Variants in EZH1 observed in about 807,000 individuals in gnomAD.
The protein encoded by EZH1 is histone-lysine N-methyltransferase EZH1.
In EZH1, 33 loss-of-function variants were observed where a neutral mutation model predicts 100.5. The observed-to-expected ratio is 0.33, with a 90% CI of 0.25 to 0.44. The LOEUF (loss-of-function observed/expected upper bound fraction) is 0.44, where lower values mean the gene tolerates loss of function less well. EZH1 is among the 20% of genes least tolerant of loss of function. EZH1 has a pLI of 1.00. For missense variants in EZH1, 475 were observed against 928.4 expected, an observed-to-expected ratio of 0.51 and a Z score of 6.35; for synonymous variants, 272 against 313.8, an observed-to-expected ratio of 0.87 and a Z score of 1.41.
At chr17:42,703,701 T>C (rs988760984) in intron 19 of EZH1, 39 bp downstream of exon 19, 38 of 1,417,424 alleles carry the variant, frequency 2.7e-5, no homozygotes, top group Non-Finnish European at 3.3e-5. Context: ...TAAAGAGGCA[T>C]CCATCCCCCA....
chr17:42,712,600 T>A, intron 11 of EZH1, 115 bp from the exon 12 acceptor site: 1 of 1,067,080 alleles, frequency 9.4e-7, no homozygotes, highest in South Asian at 1.6e-5. Flanking sequence ...CAGTTAGGAA[T>A]GAAAATATTC....
At chr17:42,704,090 T>A (rs1344915860) in intron 18 of EZH1, among the ~76,000 whole-genome samples, 2 of 152,130 alleles carry the variant, frequency 1.3e-5, no homozygotes, top group South Asian at 4.1e-4. Context: ...AGCACTCCTA[T>A]TACAAACAGA....
chr17:42,701,735 G>A lies in EZH1; in HGVS notation c.*797C>T, dbSNP rs1471216456. Reference sequence around the variant, plus strand: ...CCTGCAGCTGCTAAGCCAGAACTTTGGAGGAGCTGGAGCACTGGTGTCTGT... The same window carrying A: ...CCTGCAGCTGCTAAGCCAGAACTTTAGAGGAGCTGGAGCACTGGTGTCTGT... On this transcript the variant is annotated 3_prime_UTR_variant, in exon 21 of 21. Coordinates refer to ENST00000428826, the MANE Select transcript of EZH1 (RefSeq NM_001991.5). 1 of 152,436 alleles carries A rather than the reference G, an allele frequency of 6.6e-6. No homozygotes were observed. The highest frequency in any genetic ancestry group is 1.5e-5 in the Non-Finnish European group (1 of 68,058). The allele number at this position is 152,436 out of a possible 1,614,324, so 9.4% of individuals were successfully genotyped here.
chr17:42,728,676 A>G (rs1597855006), intron 3 of EZH1, 149 bp downstream of exon 3: 1 of 666,288 alleles, frequency 1.5e-6, no homozygotes, highest in East Asian at 3.5e-5. Context: ...TGCGAGGTGG[A>G]GCTTGCAGTA....
intron 12 of EZH1, among the ~76,000 whole-genome samples, chr17:42,710,375 G>C (rs544110516): frequency 1.3e-5 from 2 of 152,314 alleles, no homozygotes; most frequent in Non-Finnish European, 2.9e-5. Flanking sequence ...AGATACCGGA[G>C]CCTCAGCCAT....
chr17:42,744,978 C>T (rs2054254968), intron 1 of EZH1, 33 bp downstream of exon 1: 1 of 1,260,848 alleles, frequency 7.9e-7, no homozygotes, highest in Admixed American at 2.5e-5. Context: ...GGCCCGGCCC[C>T]ACCGCCCGGC....
At chr17:42,743,469 CTTT>C (rs756192995) in intron 1 of EZH1, among the ~76,000 whole-genome samples, 8 of 143,238 alleles carry the variant, frequency 5.6e-5, no homozygotes, top group African/African-American at 1.5e-4. Flanking sequence ...CCGTGCCAGG[CTTT>C]TTTTTTTTTT....
At chr17:42,709,035 C>A in intron 13 of EZH1, 119 bp from the exon 14 acceptor site, 1 of 1,119,072 alleles carries the variant, frequency 8.9e-7, no homozygotes, top group Non-Finnish European at 1.3e-6. Flanking sequence ...AGTATCTTCC[C>A]AAACCCCTCA....
At position 42,719,183 on chromosome 17, in the gene EZH1, T is replaced by C. The variant is rs1482782029; in HGVS notation, c.689A>G (p.Gln230Arg). The C allele has an allele frequency of 1.2e-6, 2 of 1,613,962 alleles. No individual in the cohort carries two copies. The highest frequency in any genetic ancestry group is 1.7e-6 in the Non-Finnish European group (2 of 1,179,874). ...IEGNKKSSKK[Q>R]FPNDMIFSAI... ...ACTGAAGATCATGTCATTTGGGAAC[T>C]GTTTCTTGGAACTCTTTTTGTTGCC... is the stretch of plus-strand genomic sequence containing the variant. The change falls in exon 8 of 21, where the codon CAG becomes CGG. Residue 230 changes from glutamine (Q) to arginine (R), a missense_variant. This residue lies in a region of EZH1 where 180 missense variants were observed against 295.3 expected (regional missense o/e 0.61). Transcript: ENST00000428826.
At position 42,718,052 on chromosome 17, in the gene EZH1, G is replaced by A; in HGVS notation, c.947C>T (p.Pro316Leu). 6.2e-7 allele frequency: 1 copy of A among 1,614,140 alleles called. No homozygotes were observed. The change falls in exon 10 of 21, where the codon CCT becomes CTT. Residue 316 changes from proline to leucine, a missense_variant. This residue lies in a region of EZH1 where 180 missense variants were observed against 295.3 expected (regional missense o/e 0.61). Coordinates refer to ENST00000428826, the MANE Select transcript of EZH1 (RefSeq NM_001991.5). This position sits in a 1 kb window ranked among gnomAD's most constrained non-coding sequence, Gnocchi z 4.2. ...TTTATTCTTGCGTTTATATACATTA[G>A]GGGTGGCATGAAAAGCTGGAAAACA... ...DCFLHPFHAT[P>L]NVYKRKNKEI... is the part of the protein sequence containing the mutation.
chr17:42,703,071 G>A, intron 19 of EZH1, 110 bp from the exon 20 acceptor site: 1 of 1,082,840 alleles, frequency 9.2e-7, no homozygotes, highest in East Asian at 2.4e-5. Context: ...TGAATCAAAT[G>A]GAATTAGAAA....
Position 42,718,120 on chromosome 17 carries a change from G to C in EZH1, c.932-53C>G. On this transcript the variant is annotated intron_variant, in intron 9 of 20. Coordinates refer to ENST00000428826, the MANE Select transcript of EZH1 (RefSeq NM_001991.5). This position sits in a 1 kb window ranked among gnomAD's most constrained non-coding sequence, Gnocchi z 4.2. ...AGTGGTCTATCCACTTGACAAGATG[G>C]GGAGAAACAAAAGTGAATTAGAGAG... is the stretch of plus-strand genomic sequence containing the variant. The C allele has an allele frequency of 6.7e-7, 1 of 1,487,162 alleles. No homozygotes were observed. The highest frequency in any genetic ancestry group is 1.1e-5 in the South Asian group (1 of 87,648). 92.1% of individuals were successfully genotyped at this position (1,487,162 alleles called of 1,614,324 possible).
chr17:42,728,575 A>C (rs1390029291), intron 3 of EZH1, among the ~76,000 whole-genome samples: 1 of 151,052 alleles, frequency 6.6e-6, no homozygotes, highest in Non-Finnish European at 1.5e-5. Flanking sequence ...CCCCATCTCT[A>C]CTAAAAATAC....
At chr17:42,722,148 C>CAAA (rs66555154) in intron 6 of EZH1, among the ~76,000 whole-genome samples, 2 of 38,992 alleles carry the variant, frequency 5.1e-5, no homozygotes, top group Non-Finnish European at 9.5e-5. Flanking sequence ...GACTCTGTCT[C>CAAA]AAAAAAAAAA....
At chr17:42,703,904 G>A (rs896746226) in intron 18 of EZH1, 84 bp from the exon 19 acceptor site, 14 of 985,140 alleles carry the variant, frequency 1.4e-5, no homozygotes, top group Non-Finnish European at 2.1e-5. Flanking sequence ...CAGTTAAATG[G>A]TAACAGAAAC....
At chr17:42,732,462 A>G (rs1417551196) in intron 1 of EZH1, among the ~76,000 whole-genome samples, 1 of 151,996 alleles carries the variant, frequency 6.6e-6, no homozygotes, top group Non-Finnish European at 1.5e-5. Flanking sequence ...GTAAGACCTC[A>G]TCTCTATTAA....
rs555460978 is a variant in EZH1, at chr17:42,708,097, C to G, written c.1535-14G>C. On this transcript the variant is annotated splice_polypyrimidine_tract_variant and intron_variant, in intron 14 of 20. Transcript: ENST00000428826. ...TGGAAGAGTTATCTAGGAAAGAAAA[C>G]AGAGGAGGATGCTGCTGTGACCATA... is the stretch of plus-strand genomic sequence containing the variant. 5.7e-6 allele frequency: 9 copies of G among 1,592,202 alleles called. No individual in the cohort carries two copies. In the African/African-American group the frequency reaches 1.1e-4, roughly 19 times the overall value.
chr17:42,708,781 C>T, intron 14 of EZH1, 95 bp downstream of exon 14: 1 of 1,355,892 alleles, frequency 7.4e-7, no homozygotes, highest in Non-Finnish European at 1.1e-6. Flanking sequence ...GGAAGTGGCA[C>T]AGGGTCAACA....
chr17:42,710,861 G>A (rs929658977), intron 12 of EZH1, among the ~76,000 whole-genome samples: 2 of 146,050 alleles, frequency 1.4e-5, no homozygotes, highest in Non-Finnish European at 1.5e-5. Flanking sequence ...GGCTTCAAGC[G>A]ATCCTCCCAC....
Sources: gnomAD v4.1 joint callset for allele counts (sites outside exome capture counted in the v4.1 genomes callset) on GRCh38, gnomAD v4.1.1 for gene constraint, gnomAD v4.1.1 regional missense constraint, Gnocchi (gnomAD v3.1) non-coding constraint, MANE v1.5 for transcripts, NCBI Gene and HGNC (gene_info 2026-07-23, HGNC 2026-07-21) for gene names.